USP28: variants seen among roughly 807,000 people sequenced by gnomAD.
The protein encoded by USP28 is ubiquitin specific peptidase 28.
Under a neutral mutation model 145.0 loss-of-function variants are expected in USP28, and 113 were observed. The observed-to-expected ratio is 0.78, with a 90% confidence interval of 0.67 to 0.91. The LOEUF is 0.91. Among genes scored for constraint, USP28 ranks in the 40% least tolerant of loss-of-function variants. The pLI is 0.00. For synonymous variants in USP28, 447 were observed against 450.9 expected, an observed-to-expected ratio of 0.99 and a Z score of 0.11; for missense variants, 1,201 against 1,289.6, an observed-to-expected ratio of 0.93 and a Z score of 1.05.
chr11:113,837,133 C>T (rs1944648654), intron 5 of USP28, among the ~76,000 whole-genome samples: 2 of 152,192 alleles, frequency 1.3e-5, no homozygotes, highest in Admixed American at 1.3e-4. Flanking sequence ...GGACCAATCA[C>T]AGTCTAATGT....
At chr11:113,825,485 G>A (rs1943181326) in intron 11 of USP28, among the ~76,000 whole-genome samples, 1 of 152,274 alleles carries the variant, frequency 6.6e-6, no homozygotes, top group Admixed American at 6.5e-5. Flanking sequence ...ATAGAACCAA[G>A]CAATCCTACT....
At chr11:113,859,969 T>G (rs1435207409) in intron 1 of USP28, among the ~76,000 whole-genome samples, 1 of 152,244 alleles carries the variant, frequency 6.6e-6, no homozygotes, top group Non-Finnish European at 1.5e-5. Flanking sequence ...TCAGTGGTTT[T>G]GGTGCAATCT....
intron 12 of USP28, among the ~76,000 whole-genome samples, chr11:113,819,868 C>A (rs1392608624): frequency 6.6e-6 from 1 of 152,108 alleles, no homozygotes; most frequent in African/African-American, 2.4e-5. Flanking sequence ...TACAGGCATG[C>A]GCCACCACGC....
chr11:113,850,735 G>A lies in USP28; in HGVS notation c.268+1766C>T, dbSNP rs528926556. 2.0e-5 allele frequency among the ~76,000 whole-genome samples: 3 copies of A among 152,258 alleles called. No individual in the cohort carries two copies. In the South Asian group the frequency reaches 6.2e-4, roughly 32 times the overall value. ...AACATAGGCAGCAACCAGTGCTTAA[G>A]CTGCAGAACCTTTTCTTTCCCCTAT... On this transcript the variant is annotated intron_variant, in intron 3 of 24. Transcript: ENST00000003302.
intron 15 of USP28, 24 bp from the exon 16 acceptor site, chr11:113,812,528 CCA>C: frequency 6.2e-7 from 1 of 1,601,852 alleles, no homozygotes; most frequent in Non-Finnish European, 8.5e-7. Flanking sequence ...TGTACATTCC[CCA>C]GTCAGGTGAA....
At chr11:113,824,669 G>A (rs933872911) in intron 11 of USP28, among the ~76,000 whole-genome samples, 7 of 150,132 alleles carry the variant, frequency 4.7e-5, no homozygotes, top group South Asian at 4.4e-4. Context: ...GGTGGCTCAC[G>A]CCTGTAATCC....
intron 3 of USP28, among the ~76,000 whole-genome samples, chr11:113,844,479 A>G (rs1268688602): frequency 6.6e-6 from 1 of 151,920 alleles, no homozygotes; most frequent in East Asian, 1.9e-4. Flanking sequence ...CAACTCATAG[A>G]AAGGGAGAAA....
At chr11:113,845,945 T>G (rs991424547) in intron 3 of USP28, among the ~76,000 whole-genome samples, 3 of 152,058 alleles carry the variant, frequency 2.0e-5, no homozygotes, top group African/African-American at 7.2e-5. Context: ...AGCCAAGAGG[T>G]GGAAACAACC....
rs1284686645 is a variant in USP28 at position 113,863,837 on chromosome 11, C to T, written c.58-9502G>A. On this transcript the variant is annotated intron_variant, in intron 1 of 24. Coordinates refer to ENST00000003302, the Ensembl canonical transcript of USP28. The stretch of plus-strand genomic sequence containing the variant: ...GCCGGCGCCTGTAGTCCCAGCTACT[C>T]GGGAGGCTGAGGCAGGAGAATGGCA... Among the ~76,000 whole-genome samples, 6 of 151,164 alleles carry T rather than the reference C, an allele frequency of 4.0e-5. No individual in the cohort carries two copies. The South Asian group carries it at 6.3e-4, about 16-fold the overall frequency.
chr11:113,804,006 A>C, intron 21 of USP28, 129 bp from the exon 23 acceptor site: 1 of 727,338 alleles, frequency 1.4e-6, no homozygotes, highest in Non-Finnish European at 2.2e-6. Flanking sequence ...TAACAAACAA[A>C]AGCTTTCAGA....
At chr11:113,832,796 G>A (rs772635790) in intron 7 of USP28, among the ~76,000 whole-genome samples, 4 of 152,056 alleles carry the variant, frequency 2.6e-5, no homozygotes. Flanking sequence ...TCAGAGACGG[G>A]GTCTCACTCT....
intron 3 of USP28, among the ~76,000 whole-genome samples, chr11:113,849,011 T>C (rs1488232391): frequency 2.6e-5 from 4 of 152,168 alleles, no homozygotes; most frequent in African/African-American, 7.2e-5. Flanking sequence ...ACCCCTATAA[T>C]TGAGGACATA....
intron 1 of USP28, among the ~76,000 whole-genome samples, chr11:113,871,088 G>T (rs1043808592): frequency 2.6e-5 from 4 of 152,208 alleles, no homozygotes; most frequent in Admixed American, 2.0e-4. Context: ...ACAGGCAGTG[G>T]TATGCTGATT....
intron 2 of USP28, among the ~76,000 whole-genome samples, chr11:113,853,282 G>T (rs1318460941): frequency 7.9e-6 from 1 of 126,696 alleles, no homozygotes; most frequent in Non-Finnish European, 1.6e-5. Flanking sequence ...GCAACTGAGT[G>T]AGATCCTGTC....
chr11:113,800,106 C>T (rs536273072), intron 24 of USP28, among the ~76,000 whole-genome samples: 4 of 151,724 alleles, frequency 2.6e-5, no homozygotes, highest in South Asian at 2.1e-4. Flanking sequence ...CCCGGGTTCA[C>T]GCCATTCTCC....
chr11:113,826,137 G>A (rs544393825), intron 11 of USP28, among the ~76,000 whole-genome samples: 2 of 151,776 alleles, frequency 1.3e-5, no homozygotes, highest in Non-Finnish European at 2.9e-5. Context: ...ACTAAAATTA[G>A]CTGGGTGTGG....
intron 1 of USP28, among the ~76,000 whole-genome samples, chr11:113,868,865 GTGAGCCA>G (rs899830480): frequency 6.6e-6 from 1 of 150,700 alleles, no homozygotes; most frequent in Non-Finnish European, 1.5e-5. Flanking sequence ...TGAGGCTGCA[GTGAGCCA>G]TGATAGAGCC....
At chr11:113,852,433 C>A in intron 3 of USP28, 68 bp downstream of exon 3, 3 of 1,594,206 alleles carry the variant, frequency 1.9e-6, no homozygotes, top group Non-Finnish European at 2.6e-6. Context: ...ACAGGGAACT[C>A]ACATATACTT....
At chr11:113,799,229 C>T (rs909066893) in exon 25 of USP28, 17 of 1,609,242 alleles carry the variant, frequency 1.1e-5, no homozygotes, top group Non-Finnish European at 1.3e-5. Context: ...GGGCCTTGAA[C>T]ATGTGGGAGC....
Sources: allele counts gnomAD v4.1 joint callset (sites outside exome capture counted in the v4.1 genomes callset), GRCh38; gene constraint gnomAD v4.1.1; transcripts MANE v1.5; gene names NCBI Gene and HGNC (gene_info 2026-07-23, HGNC 2026-07-21).